ZNF208: variants seen among roughly 807,000 people sequenced by gnomAD.
ZNF208 encodes the protein zinc finger protein 95.
Under a neutral mutation model 12.1 loss-of-function variants are expected in ZNF208, and 10 were observed. The ratio of observed to expected loss-of-function variants is 0.83; its 90% CI spans 0.51 to 1.40. The LOEUF (loss-of-function observed/expected upper bound fraction) is 1.40. Ranked by LOEUF, ZNF208 falls within the 40% of genes most tolerant of loss-of-function variation. The pLI is 0.00. For missense variants in ZNF208, 1,652 were observed against 1,485.0 expected (o/e 1.11, Z -1.85); for synonymous variants, 497 against 488.4 (o/e 1.02, Z -0.23).
intron 4 of ZNF208, among the ~76,000 whole-genome samples, chr19:21,957,558 T>G (rs1969995973): frequency 6.6e-6 from 1 of 152,146 alleles, no homozygotes; most frequent in Non-Finnish European, 1.5e-5. Context: ...CCAACAGACT[T>G]AGAAACACTA....
At chr19:21,974,965 A>G (rs1434956261) in intron 3 of ZNF208, among the ~76,000 whole-genome samples, 158 bp from the exon 4 acceptor site, 1 of 152,182 alleles carries the variant, frequency 6.6e-6, no homozygotes, top group African/African-American at 2.4e-5. Context: ...ATCTAATAAA[A>G]ACATATAGAC....
chr19:21,980,120 T>C (rs1004302291), intron 3 of ZNF208, among the ~76,000 whole-genome samples: 3 of 151,566 alleles, frequency 2.0e-5, no homozygotes, highest in African/African-American at 7.3e-5. Flanking sequence ...ACCCATACTA[T>C]AGTAGTGGGA....
chr19:21,942,650 CTTTT>C (rs1969759572), intron 4 of ZNF208, among the ~76,000 whole-genome samples: 1 of 151,950 alleles, frequency 6.6e-6, no homozygotes, highest in African/African-American at 2.4e-5. Context: ...TTCTTTCTTT[CTTTT>C]CTTTCTTTTT....
Position 21,988,841 on chromosome 19 carries a change from T to C in ZNF208, c.72A>G (p.Ala24=), listed in dbSNP as rs766587453. 6.2e-6 allele frequency: 10 copies of C among 1,614,158 alleles called. No homozygotes were observed. The highest frequency in any genetic ancestry group is 3.3e-5 in the Admixed American group (2 of 60,030). ...SLEEWQCLDT[A]QQNLYRNVML... is the part of the protein sequence containing the mutation. ...TCACATTTCTATATAAATTCTGCTG[T>C]GCAGTGTCCAGGCATTGCCACTCCT... The change falls in exon 2 of 4, where the codon GCA becomes GCG. Residue 24 remains alanine (A), a synonymous_variant. Coordinates refer to ENST00000397126, the MANE Select transcript of ZNF208 (RefSeq NM_007153.3).
At chr19:22,003,293 G>A (rs1425893610) in intron 1 of ZNF208, among the ~76,000 whole-genome samples, 3 of 152,134 alleles carry the variant, frequency 2.0e-5, no homozygotes, top group Non-Finnish European at 2.9e-5. Context: ...ATTTCATGAT[G>A]AAGATATGAA....
chr19:21,945,912 A>G (rs1184243541), intron 4 of ZNF208, among the ~76,000 whole-genome samples: 1 of 151,496 alleles, frequency 6.6e-6, no homozygotes, highest in Admixed American at 6.6e-5. Flanking sequence ...CTTGGAAAAA[A>G]AAAAGCTCCA....
chr19:21,964,550 T>A (rs887478978), downstream of ZNF208, among the ~76,000 whole-genome samples: 2 of 151,804 alleles, frequency 1.3e-5, no homozygotes, highest in Admixed American at 1.3e-4. Flanking sequence ...TTCTCTCTAA[T>A]GAAAAAACTG....
At chr19:21,959,826 A>C (rs185074060) in intron 4 of ZNF208, among the ~76,000 whole-genome samples, 1 of 152,224 alleles carries the variant, frequency 6.6e-6, no homozygotes, top group Non-Finnish European at 1.5e-5. Flanking sequence ...TGTCAGAAGA[A>C]GGTAACTTGA....
At chr19:21,975,334 TA>T (rs1240797003) in intron 3 of ZNF208, among the ~76,000 whole-genome samples, 6 of 152,160 alleles carry the variant, frequency 3.9e-5, no homozygotes, top group Admixed American at 6.6e-5. Flanking sequence ...AGACCAAAGG[TA>T]AATGCACTGC....
rs555790408 is a variant in ZNF208, at chr19:21,973,470, C to T, written c.1564G>A (p.Glu522Lys). ...LMEHKRIHTG[E>K]KPYKCEECGK... ...CATTCTTCACATTTGTAGGGTTTCT[C>T]TCCAGTATGAATTCTCTTATGTTCC... Residue 522 changes from glutamate to lysine, a missense_variant, in exon 4 of 4, where the codon GAG (glutamate) becomes AAG (lysine). This residue lies in a region of ZNF208 where 1,239 missense variants were observed against 1,086.2 expected (regional missense o/e 1.14). Transcript: ENST00000397126. 8.4e-5 allele frequency: 136 copies of T among 1,613,054 alleles called. No homozygotes were observed. In the African/African-American group the frequency reaches 1.7e-3, roughly 20 times the overall value.
chr19:21,995,737 T>C (rs1350706028), intron 1 of ZNF208, among the ~76,000 whole-genome samples: 4 of 152,238 alleles, frequency 2.6e-5, no homozygotes, highest in African/African-American at 9.6e-5. Flanking sequence ...GTTGTGGTCA[T>C]GGCTCTGGAT....
chr19:21,962,754 T>A (rs568035399), downstream of ZNF208, among the ~76,000 whole-genome samples: 1 of 152,096 alleles, frequency 6.6e-6, no homozygotes, highest in African/African-American at 2.4e-5. Context: ...TTTCAAAAGC[T>A]AATGTATTTT....
At chr19:21,947,731 T>C (rs139611191) in intron 4 of ZNF208, among the ~76,000 whole-genome samples, 472 of 152,332 alleles carry the variant, frequency 3.1e-3, no homozygotes, top group African/African-American at 9.9e-3. Flanking sequence ...ATGTTGAAGG[T>C]AAACTCATCC....
rs531370652 is a variant in ZNF208, at chr19:21,983,896, T to C, written c.226+3320A>G. Among the ~76,000 whole-genome samples, 173 of 152,220 alleles carry C rather than the reference T, an allele frequency of 1.1e-3. 1 individual carries two copies. Among genetic ancestry groups the C allele is most frequent in the African/African-American group, 4.0e-3 (166 of 41,534 alleles). ...GGATAACATTAGGAGAAATACCTAA[T>C]GTAGATAACGAGTTGATGGGTGCAG... On this transcript the variant is annotated intron_variant, in intron 3 of 3. Coordinates refer to ENST00000397126, the MANE Select transcript of ZNF208 (RefSeq NM_007153.3).
Position 21,996,949 on chromosome 19 carries a change from A to G in ZNF208, c.4-8040T>C, listed in dbSNP as rs143094395. Among the ~76,000 whole-genome samples the G allele has an allele frequency of 2.4e-3, 363 of 152,324 alleles. 6 individuals carry two copies. Among genetic ancestry groups the G allele is most frequent in the Admixed American group, 0.019 (293 of 15,302 alleles). On this transcript the variant is annotated intron_variant, in intron 1 of 3. Coordinates refer to ENST00000397126, the MANE Select transcript of ZNF208 (RefSeq NM_007153.3). ...ATATTTAGGGTACAGCATGCACTTC[A>G]CAGCACAACTGTGAATTGACTGGAA...
At chr19:21,942,433 T>C (rs1411828219) in intron 4 of ZNF208, among the ~76,000 whole-genome samples, 1 of 152,196 alleles carries the variant, frequency 6.6e-6, no homozygotes, top group East Asian at 1.9e-4. Context: ...CAAAGTTTTC[T>C]AGTTTAACCT....
At chr19:21,960,168 G>C (rs1970040659) in intron 4 of ZNF208, among the ~76,000 whole-genome samples, 1 of 152,150 alleles carries the variant, frequency 6.6e-6, no homozygotes, top group Middle Eastern at 3.4e-3. Context: ...ATTACCAGGG[G>C]CTAGAAAATT....
chr19:22,007,190 AG>A (rs1441078924), intron 1 of ZNF208, among the ~76,000 whole-genome samples: 1 of 152,152 alleles, frequency 6.6e-6, no homozygotes, highest in Non-Finnish European at 1.5e-5. Context: ...TCTAAAAGCT[AG>A]ATGGAATTCT....
At chr19:21,948,938 A>G (rs1969853743) in intron 4 of ZNF208, among the ~76,000 whole-genome samples, 1 of 152,206 alleles carries the variant, frequency 6.6e-6, no homozygotes, top group African/African-American at 2.4e-5. Context: ...TTGTGATCCT[A>G]TGGAGAAGTG....
Sources: allele counts gnomAD v4.1 joint callset (sites outside exome capture counted in the v4.1 genomes callset), GRCh38; gene constraint gnomAD v4.1.1; regional missense constraint gnomAD v4.1.1; transcripts MANE v1.5; gene names NCBI Gene and HGNC (gene_info 2026-07-23, HGNC 2026-07-21).